The following OXR1 variants were observed in gnomAD, a reference collection of about 807,000 sequenced individuals.
The protein encoded by OXR1 is oxidation resistance 1, also known as oxidation resistance protein 1.
In OXR1, 41 loss-of-function variants were observed where a neutral mutation model predicts 104.6. The observed-to-expected ratio is 0.39, with a 90% CI of 0.31 to 0.51. The LOEUF is 0.51. Among genes scored for constraint, OXR1 ranks in the 20% least tolerant of loss-of-function variants. OXR1 has a pLI of 0.77. For synonymous variants in OXR1, 348 were observed against 348.4 expected, an observed-to-expected ratio of 1.00 and a Z score of 0.01; for missense variants, 955 against 1,031.9, an observed-to-expected ratio of 0.93 and a Z score of 1.02.
intron 3 of OXR1, chr8:106,658,291 G>T (rs556201572): frequency 8.4e-7 from 1 of 1,194,022 alleles, no homozygotes; most frequent in Non-Finnish European, 1.0e-6. Flanking sequence ...GCTCTGGCAG[G>T]TGTGCCTGGG....
At chr8:106,300,620 G>A (rs751184776) in intron 1 of OXR1, among the ~76,000 whole-genome samples, 1 of 151,862 alleles carries the variant, frequency 6.6e-6, no homozygotes, top group Non-Finnish European at 1.5e-5. Context: ...ACAAATATTC[G>A]ACCCAAGGCA....
At chr8:106,437,305 G>T (rs1819618457) in intron 2 of OXR1, among the ~76,000 whole-genome samples, 1 of 151,954 alleles carries the variant, frequency 6.6e-6, no homozygotes, top group Non-Finnish European at 1.5e-5. Flanking sequence ...TGAACTTTAG[G>T]TAAGAAAATA....
At chr8:106,469,848 C>A (rs975161763) in intron 2 of OXR1, among the ~76,000 whole-genome samples, 1 of 151,796 alleles carries the variant, frequency 6.6e-6, no homozygotes, top group Non-Finnish European at 1.5e-5. Context: ...AGAAGTTGGT[C>A]AGACAGGTCT....
At chr8:106,284,448 G>A (rs1194141683) in intron 1 of OXR1, among the ~76,000 whole-genome samples, 1 of 152,136 alleles carries the variant, frequency 6.6e-6, no homozygotes, top group Non-Finnish European at 1.5e-5. Flanking sequence ...AAGGATTTTG[G>A]TCTTTGAAGC....
chr8:106,680,150 G>A lies in OXR1; in HGVS notation c.303+858G>A, dbSNP rs570711890. 4.6e-5 allele frequency among the ~76,000 whole-genome samples: 7 copies of A among 151,768 alleles called. No individual in the cohort carries two copies. In the South Asian group the frequency reaches 1.0e-3, roughly 23 times the overall value. ...TTTTGATATACCATTCATATATAGC[G>A]GACAGTGTGAGATTTTAAATATTTT... On this transcript the variant is annotated intron_variant, in intron 4 of 16. Coordinates refer to ENST00000517566, the MANE Select transcript of OXR1 (RefSeq NM_001198533.2).
intron 2 of OXR1, among the ~76,000 whole-genome samples, chr8:106,486,373 A>C (rs1451368217): frequency 2.6e-5 from 4 of 152,106 alleles, no homozygotes; most frequent in Admixed American, 1.3e-4. Flanking sequence ...TCTTCTAGCA[A>C]ATTGTGCATG....
At chr8:106,719,770 AT>A (rs1269548872) in intron 11 of OXR1, among the ~76,000 whole-genome samples, 4 of 152,024 alleles carry the variant, frequency 2.6e-5, no homozygotes, top group Non-Finnish European at 5.9e-5. Context: ...ATAGATTATC[AT>A]CTTTATTTTA....
chr8:106,339,507 AAAAAAAAAAAAAATATATAT>A lies in OXR1; in HGVS notation c.-138-19967_-138-19948del, dbSNP rs1215285303. 1.1e-3 allele frequency among the ~76,000 whole-genome samples: 48 copies of A among 45,066 alleles called. 3 individuals are homozygous for A. Among genetic ancestry groups the A allele is most frequent in the East Asian group, 8.6e-3 (15 of 1,742 alleles). The allele number at this position is 45,066 out of a possible 152,430, so 29.6% of individuals were successfully genotyped here. ...AGACTCCATCCAAAAAAAAAAAAAA[AAAAAAAAAAAAAATATATAT>A]ATATATATATATATATATATATATA... On this transcript the variant is annotated intron_variant, in intron 1 of 16. Transcript: ENST00000517566.
chr8:106,468,958 G>T (rs28464065), intron 2 of OXR1, among the ~76,000 whole-genome samples: 8,649 of 151,852 alleles, frequency 0.057, 876 homozygotes, highest in African/African-American at 0.2. Flanking sequence ...TATTCCTTTT[G>T]CCTAGAATAC....
chr8:106,285,898 A>G (rs1300018632), intron 1 of OXR1, among the ~76,000 whole-genome samples: 1 of 152,004 alleles, frequency 6.6e-6, no homozygotes, highest in African/African-American at 2.4e-5. Context: ...TCCTTTGTGG[A>G]CTTCCCTCCT....
At chr8:106,461,598 AG>A (rs1820922740) in intron 2 of OXR1, among the ~76,000 whole-genome samples, 6 of 152,096 alleles carry the variant, frequency 3.9e-5, no homozygotes, top group Admixed American at 2.6e-4. Context: ...AATTTTGGAG[AG>A]GAATCAAGCA....
intron 2 of OXR1, among the ~76,000 whole-genome samples, chr8:106,484,582 T>C (rs1822335008): frequency 6.6e-6 from 1 of 151,972 alleles, no homozygotes; most frequent in African/African-American, 2.4e-5. Flanking sequence ...TCATATCATA[T>C]GTCATCAAGG....
intron 11 of OXR1, among the ~76,000 whole-genome samples, chr8:106,721,921 G>A (rs1832856388): frequency 6.6e-6 from 1 of 152,106 alleles, no homozygotes; most frequent in African/African-American, 2.4e-5. Context: ...TTGCCTTGTG[G>A]AGCCAGTTCT....
At chr8:106,472,631 TTGCTATCCCA>T (rs1235446801) in intron 2 of OXR1, among the ~76,000 whole-genome samples, 1 of 151,828 alleles carries the variant, frequency 6.6e-6, no homozygotes, top group Admixed American at 6.6e-5. Flanking sequence ...TGCAGACAAC[TTGCTATCCCA>T]TGCTTAGGTA....
At chr8:106,672,186 G>A (rs1827076400) in intron 3 of OXR1, among the ~76,000 whole-genome samples, 2 of 151,802 alleles carry the variant, frequency 1.3e-5, no homozygotes, top group African/African-American at 4.8e-5. Context: ...ATAGAAAATA[G>A]AACAAATAGT....
chr8:106,667,252 C>G (rs1826434976), intron 3 of OXR1, among the ~76,000 whole-genome samples: 1 of 152,122 alleles, frequency 6.6e-6, no homozygotes, highest in Non-Finnish European at 1.5e-5. Flanking sequence ...TTACGGAATT[C>G]TAATATGTAA....
chr8:106,424,904 A>C lies in OXR1; in HGVS notation c.23+65268A>C, dbSNP rs76144348. ...TTTGTATTCACATTTCTTCCTTTTGATTTGACATATTTTTTAAAACTCTCC... is the reference window on the plus strand; with the variant it reads ...TTTGTATTCACATTTCTTCCTTTTGCTTTGACATATTTTTTAAAACTCTCC... On this transcript the variant is annotated intron_variant, in intron 2 of 16. Coordinates refer to ENST00000517566, the MANE Select transcript of OXR1 (RefSeq NM_001198533.2). Among the ~76,000 whole-genome samples, 1,489 of 151,422 alleles carry C rather than the reference A, an allele frequency of 9.8e-3. 10 individuals are homozygous for C. The highest frequency in any genetic ancestry group is 0.016 in the Non-Finnish European group (1,058 of 67,802).
intron 3 of OXR1, among the ~76,000 whole-genome samples, chr8:106,596,528 A>T (rs901757380): frequency 6.6e-6 from 1 of 152,166 alleles, no homozygotes; most frequent in African/African-American, 2.4e-5. Context: ...TTTATCAGCA[A>T]ATTAGAAGCA....
At chr8:106,492,933 C>G (rs1051946837) in intron 2 of OXR1, among the ~76,000 whole-genome samples, 1 of 152,104 alleles carries the variant, frequency 6.6e-6, no homozygotes, top group Non-Finnish European at 1.5e-5. Context: ...TATATATGAA[C>G]TGATGTTAAA....
Sources: allele counts gnomAD v4.1 joint callset (sites outside exome capture counted in the v4.1 genomes callset), GRCh38; gene constraint gnomAD v4.1.1; transcripts MANE v1.5; gene names NCBI Gene and HGNC (gene_info 2026-07-23, HGNC 2026-07-21).